The following ATP8A2 variants were observed in gnomAD, a reference collection of about 807,000 sequenced individuals.
ATP8A2 encodes the protein phospholipid-transporting ATPase IB.
ATP8A2 carries 100 observed loss-of-function variants against 165.6 expected under a neutral mutation model. That is an observed-to-expected ratio of 0.60 (90% confidence interval 0.51 to 0.71). The LOEUF (loss-of-function observed/expected upper bound fraction) is 0.71. ATP8A2 is among the 30% of genes least tolerant of loss of function. The pLI is 0.00. For synonymous variants in ATP8A2, 543 were observed against 548.8 expected (o/e 0.99, Z 0.15); for missense variants, 1,227 against 1,479.5 (o/e 0.83, Z 2.80).
intron 33 of ATP8A2, among the ~76,000 whole-genome samples, chr13:25,945,118 T>A (rs1955178131): frequency 6.6e-6 from 1 of 152,192 alleles, no homozygotes; most frequent in Admixed American, 6.5e-5. Context: ...AAGTGAGGGT[T>A]GGTTTTAGGC....
chr13:25,623,910 T>C (rs1035112692), intron 24 of ATP8A2, among the ~76,000 whole-genome samples: 2 of 152,130 alleles, frequency 1.3e-5, no homozygotes, highest in Non-Finnish European at 2.9e-5. Flanking sequence ...TGCATGTATG[T>C]ATGTGTGTGC....
chr13:25,864,537 CAT>C (rs1458873906), intron 33 of ATP8A2, among the ~76,000 whole-genome samples: 1 of 152,234 alleles, frequency 6.6e-6, no homozygotes, highest in African/African-American at 2.4e-5. Context: ...GTGACATTCA[CAT>C]GTTTAAGGAC....
intron 1 of ATP8A2, among the ~76,000 whole-genome samples, chr13:25,375,756 A>G (rs1365549416): frequency 1.3e-5 from 2 of 152,062 alleles, no homozygotes; most frequent in East Asian, 1.9e-4. Context: ...TATTTTTAGT[A>G]GATACGGGGT....
intron 1 of ATP8A2, among the ~76,000 whole-genome samples, chr13:25,422,435 T>C (rs1398071470): frequency 6.6e-6 from 1 of 152,232 alleles, no homozygotes; most frequent in Non-Finnish European, 1.5e-5. Flanking sequence ...ATTAGACCAA[T>C]GAGTTAAAAT....
chr13:25,621,367 T>A (rs373758162), intron 24 of ATP8A2, among the ~76,000 whole-genome samples: 1 of 152,224 alleles, frequency 6.6e-6, no homozygotes, highest in Non-Finnish European at 1.5e-5. Flanking sequence ...GTTCTGTTTC[T>A]GATTTAATCT....
intron 30 of ATP8A2, among the ~76,000 whole-genome samples, chr13:25,848,822 G>A (rs565964914): frequency 3.3e-5 from 5 of 152,288 alleles, no homozygotes; most frequent in South Asian, 2.1e-4. Context: ...TAGTGTCGGA[G>A]GCAGAAAGCA....
chr13:25,693,071 T>C (rs1239823032), intron 24 of ATP8A2, among the ~76,000 whole-genome samples: 1 of 152,210 alleles, frequency 6.6e-6, no homozygotes, highest in Non-Finnish European at 1.5e-5. Flanking sequence ...ATTGTAACTT[T>C]CAGTAATTGG....
intron 33 of ATP8A2, among the ~76,000 whole-genome samples, chr13:25,890,194 T>G (rs1953317068): frequency 1.3e-5 from 2 of 152,014 alleles, no homozygotes; most frequent in South Asian, 4.1e-4. Flanking sequence ...TTTTACCGTC[T>G]CTCTGGGTTA....
intron 24 of ATP8A2, among the ~76,000 whole-genome samples, chr13:25,648,517 A>G (rs1226891685): frequency 1.3e-5 from 2 of 152,156 alleles, no homozygotes; most frequent in African/African-American, 4.8e-5. Flanking sequence ...TACAAAGATT[A>G]GCTGGGTGTG....
At chr13:25,448,871 G>A (rs2035138447) in intron 1 of ATP8A2, among the ~76,000 whole-genome samples, 1 of 151,996 alleles carries the variant, frequency 6.6e-6, no homozygotes. Context: ...CACCATGTTA[G>A]TCAGGCTGGT....
At chr13:25,999,947 T>C (rs948190895) in intron 35 of ATP8A2, among the ~76,000 whole-genome samples, 1 of 152,228 alleles carries the variant, frequency 6.6e-6, no homozygotes, top group Admixed American at 6.5e-5. Context: ...GTGATTTTCC[T>C]TCATTACATA....
intron 18 of ATP8A2, among the ~76,000 whole-genome samples, chr13:25,572,812 C>T (rs1406487846): frequency 2.0e-5 from 3 of 152,186 alleles, no homozygotes; most frequent in African/African-American, 7.2e-5. Context: ...ATCCATAGAC[C>T]TTTAATGCAT....
chr13:25,831,069 G>C (rs1188948168), intron 28 of ATP8A2, among the ~76,000 whole-genome samples: 1 of 152,144 alleles, frequency 6.6e-6, no homozygotes, highest in Non-Finnish European at 1.5e-5. Flanking sequence ...GAAGGCATTT[G>C]CTAGTGATCC....
intron 10 of ATP8A2, among the ~76,000 whole-genome samples, chr13:25,548,656 A>C (rs2038725934): frequency 6.6e-6 from 1 of 152,196 alleles, no homozygotes; most frequent in Non-Finnish European, 1.5e-5. Context: ...ATTGATGATA[A>C]GTTGGCCTTT....
intron 24 of ATP8A2, among the ~76,000 whole-genome samples, chr13:25,611,364 G>A (rs190030215): frequency 6.6e-6 from 1 of 152,170 alleles, no homozygotes; most frequent in Non-Finnish European, 1.5e-5. Flanking sequence ...AGGGATGGTG[G>A]ATTTTGTCAA....
intron 1 of ATP8A2, among the ~76,000 whole-genome samples, chr13:25,457,275 C>T (rs1046214643): frequency 6.6e-6 from 1 of 152,068 alleles, no homozygotes; most frequent in African/African-American, 2.4e-5. Context: ...CCCACAAAAC[C>T]TAATAAAGAT....
chr13:25,898,986 G>A (rs763796063), intron 33 of ATP8A2, among the ~76,000 whole-genome samples: 1 of 152,174 alleles, frequency 6.6e-6, no homozygotes, highest in Non-Finnish European at 1.5e-5. Context: ...CCCGGGTGAG[G>A]TTATGCCTTG....
chr13:25,403,018 A>C (rs191362827), intron 1 of ATP8A2, among the ~76,000 whole-genome samples: 9 of 152,188 alleles, frequency 5.9e-5, no homozygotes. Flanking sequence ...AATCCCTTTT[A>C]TAAGGGCACC....
At chr13:25,749,237 A>G (rs2044103109) in intron 25 of ATP8A2, among the ~76,000 whole-genome samples, 1 of 152,166 alleles carries the variant, frequency 6.6e-6, no homozygotes, top group Non-Finnish European at 1.5e-5. Context: ...TCCTTCCAGG[A>G]AGACAGGCCT....
Sources: gnomAD v4.1 joint callset for allele counts (sites outside exome capture counted in the v4.1 genomes callset) on GRCh38, gnomAD v4.1.1 for gene constraint, MANE v1.5 for transcripts, NCBI Gene and HGNC (gene_info 2026-07-23, HGNC 2026-07-21) for gene names.